The following PDZD2 variants were observed in gnomAD, a reference collection of about 807,000 sequenced individuals.
PDZD2 encodes PDZ domain containing 2.
PDZD2 carries 90 observed loss-of-function variants against 220.7 expected under a neutral mutation model. The observed-to-expected ratio is 0.41, with a 90% CI of 0.34 to 0.49. PDZD2 has a LOEUF of 0.49. Ranked by LOEUF, PDZD2 falls within the 20% of genes least tolerant of loss-of-function variation. The pLI, the probability that PDZD2 is intolerant of heterozygous loss-of-function variation, is 0.28. For missense variants in PDZD2, 3,174 were observed against 3,608.5 expected (o/e 0.88, Z 3.08); for synonymous variants, 1,375 against 1,450.5 (o/e 0.95, Z 1.18).
intron 1 of PDZD2, among the ~76,000 whole-genome samples, chr5:31,651,236 CTAATTTTTAGTG>C (rs1376996890): frequency 6.6e-6 from 1 of 151,982 alleles, no homozygotes; most frequent in Non-Finnish European, 1.5e-5. Flanking sequence ...TCTATAGTGG[CTAATTTTTAGTG>C]TATCTGGCAA....
intron 2 of PDZD2, among the ~76,000 whole-genome samples, chr5:31,912,388 A>G (rs963010996): frequency 7.2e-5 from 11 of 152,074 alleles, no homozygotes; most frequent in African/African-American, 2.7e-4. Flanking sequence ...ACCTCCTAAT[A>G]TCATACCTTG....
intron 2 of PDZD2, among the ~76,000 whole-genome samples, chr5:31,866,029 G>T (rs1738201920): frequency 7.1e-6 from 1 of 141,396 alleles, no homozygotes; most frequent in Admixed American, 7.0e-5. Context: ...TTTGAGATAG[G>T]GTCTCACTGT....
intron 1 of PDZD2, among the ~76,000 whole-genome samples, chr5:31,746,749 G>A (rs1750627139): frequency 6.6e-6 from 1 of 152,166 alleles, no homozygotes; most frequent in Admixed American, 6.5e-5. Context: ...CTCTTTCCAG[G>A]GAACCCTTTG....
chr5:31,718,310 A>G (rs1217261640), intron 1 of PDZD2, among the ~76,000 whole-genome samples: 1 of 152,208 alleles, frequency 6.6e-6, no homozygotes, highest in Non-Finnish European at 1.5e-5. Flanking sequence ...GGCAAGAGGC[A>G]GATGGGCCTG....
intron 2 of PDZD2, among the ~76,000 whole-genome samples, chr5:31,926,526 GAAAAA>G (rs71300157): frequency 2.4e-5 from 2 of 84,004 alleles, no homozygotes; most frequent in Non-Finnish European, 4.6e-5. Flanking sequence ...AACTGCATCT[GAAAAA>G]AAAAAAAAAA....
At chr5:31,765,079 GAA>G (rs4049928) in intron 1 of PDZD2, among the ~76,000 whole-genome samples, 143,858 of 149,022 alleles carry the variant, frequency 0.97, 69,498 homozygotes, top group Middle Eastern at 0.99. Flanking sequence ...TGCGTCTCAA[GAA>G]AAAAAAAAAA....
At chr5:31,976,164 A>T in intron 2 of PDZD2, among the ~76,000 whole-genome samples, 1 of 152,160 alleles carries the variant, frequency 6.6e-6, no homozygotes, top group Non-Finnish European at 1.5e-5. Context: ...TGCCCTTGGC[A>T]ACCTGGGTCC....
intron 2 of PDZD2, among the ~76,000 whole-genome samples, chr5:31,982,496 C>T (rs747187976): frequency 1.6e-4 from 24 of 152,096 alleles, no homozygotes; most frequent in Non-Finnish European, 2.4e-4. Flanking sequence ...TTAATAGAGA[C>T]GGGGTTTCGC....
intron 2 of PDZD2, among the ~76,000 whole-genome samples, chr5:31,851,095 T>C (rs1286491509): frequency 6.6e-6 from 1 of 152,122 alleles, no homozygotes; most frequent in African/African-American, 2.4e-5. Flanking sequence ...ACTAAACAAC[T>C]CCAAATCCTT....
chr5:31,657,421 T>A (rs1745593917), intron 1 of PDZD2: 1 of 152,180 alleles, frequency 6.6e-6, no homozygotes, highest in Non-Finnish European at 1.5e-5. Context: ...CCTGCTCCTG[T>A]TCAACATTTT....
At chr5:31,896,288 C>T (rs1741545577) in intron 2 of PDZD2, among the ~76,000 whole-genome samples, 1 of 150,544 alleles carries the variant, frequency 6.6e-6, no homozygotes. Flanking sequence ...TCCTAGGTGA[C>T]TTTATTGCCT....
chr5:32,069,595 C>T lies in PDZD2; in HGVS notation c.2478C>T (p.Val826=). ...PKVSEQEMDE[V]IARSTYQESK... ...TTTCCGAGCAGGAAATGGATGAAGT[C>T]ATAGCACGCAGCACTTATCAGGAGA... The change falls in exon 15 of 25, where the codon GTC becomes GTT. Residue 826 remains valine (V), a synonymous_variant. Coordinates refer to ENST00000438447, the MANE Select transcript of PDZD2 (RefSeq NM_178140.4). The T allele has an allele frequency of 6.3e-7, 1 of 1,598,762 alleles. No homozygotes were observed. The highest frequency in any genetic ancestry group is 8.6e-7 in the Non-Finnish European group (1 of 1,165,954).
intron 2 of PDZD2, among the ~76,000 whole-genome samples, chr5:31,974,667 A>G (rs935948460): frequency 2.0e-5 from 3 of 152,186 alleles, no homozygotes; most frequent in Non-Finnish European, 2.9e-5. Flanking sequence ...GTATCAGCAT[A>G]TTTGCACTGG....
At chr5:31,699,578 A>G (rs1747526232) in intron 1 of PDZD2, among the ~76,000 whole-genome samples, 1 of 151,952 alleles carries the variant, frequency 6.6e-6, no homozygotes, top group South Asian at 2.1e-4. Context: ...GCAAAACCCC[A>G]TCTCTAACTT....
chr5:31,930,187 T>C (rs1745132802), intron 2 of PDZD2, among the ~76,000 whole-genome samples: 1 of 145,662 alleles, frequency 6.9e-6, no homozygotes, highest in Admixed American at 7.0e-5. Flanking sequence ...TTACCCAGTC[T>C]CAGGTATTCT....
At chr5:31,874,337 C>A (rs1253634143) in intron 2 of PDZD2, among the ~76,000 whole-genome samples, 1 of 152,108 alleles carries the variant, frequency 6.6e-6, no homozygotes, top group South Asian at 2.1e-4. Context: ...GATCAGTAAC[C>A]ATTTATTTGT....
At chr5:31,879,255 C>T (rs940314869) in intron 2 of PDZD2, among the ~76,000 whole-genome samples, 2 of 151,768 alleles carry the variant, frequency 1.3e-5, no homozygotes, top group Non-Finnish European at 2.9e-5. Flanking sequence ...GGCGTGGTGG[C>T]GGGCGCCTGT....
intron 2 of PDZD2, among the ~76,000 whole-genome samples, chr5:31,922,762 C>G (rs59782361): frequency 0.093 from 14,149 of 152,082 alleles, 1,093 homozygotes; most frequent in African/African-American, 0.21. Context: ...TCTGCCCCGC[C>G]CCCCCCTCCG....
intron 1 of PDZD2, chr5:31,748,049 A>G (rs542377055): frequency 5.9e-5 from 9 of 152,268 alleles, no homozygotes; most frequent in Non-Finnish European, 1.0e-4. Flanking sequence ...TCACAAATTT[A>G]AAATGATACC....
Sources: gnomAD v4.1 joint callset for allele counts (sites outside exome capture counted in the v4.1 genomes callset) on GRCh38, gnomAD v4.1.1 for gene constraint, MANE v1.5 for transcripts, NCBI Gene and HGNC (gene_info 2026-07-23, HGNC 2026-07-21) for gene names.